Variants in CUBN observed in about 807,000 individuals in gnomAD.
The protein encoded by CUBN is 460 kDa receptor.
CUBN carries 282 observed loss-of-function variants against 405.3 expected under a neutral mutation model. The ratio of observed to expected loss-of-function variants is 0.70; its 90% CI spans 0.63 to 0.77. The LOEUF (loss-of-function observed/expected upper bound fraction) is 0.77, where lower values mean the gene tolerates loss of function less well. CUBN is among the 30% of genes least tolerant of loss of function. CUBN has a pLI of 0.00. For synonymous variants in CUBN, 1,684 were observed against 1,617.0 expected (o/e 1.04, Z -0.99); for missense variants, 4,514 against 4,475.2 (o/e 1.01, Z -0.25).
intron 27 of CUBN, among the ~76,000 whole-genome samples, chr10:17,033,822 A>G (rs1010055693): frequency 1.3e-5 from 2 of 152,234 alleles, no homozygotes; most frequent in African/African-American, 4.8e-5. Context: ...TGAGTTCTCC[A>G]TAACAGCTAG....
intron 41 of CUBN, among the ~76,000 whole-genome samples, chr10:16,926,142 G>C (rs1484233457): frequency 1.3e-5 from 2 of 152,242 alleles, no homozygotes; most frequent in Non-Finnish European, 2.9e-5. Flanking sequence ...TATTGTTAGA[G>C]TTAAGTTAGA....
chr10:16,828,277 G>A (rs781100875), intron 66 of CUBN, among the ~76,000 whole-genome samples: 2 of 152,114 alleles, frequency 1.3e-5, no homozygotes, highest in Non-Finnish European at 2.9e-5. Flanking sequence ...TGATTCTGAC[G>A]CAGGGCTGAT....
intron 26 of CUBN, among the ~76,000 whole-genome samples, chr10:17,042,107 G>A (rs924529313): frequency 6.6e-6 from 1 of 152,146 alleles, no homozygotes; most frequent in Non-Finnish European, 1.5e-5. Flanking sequence ...CTGAAGGTGG[G>A]TAGAACACCA....
intron 59 of CUBN, among the ~76,000 whole-genome samples, chr10:16,868,046 C>CA (rs1026854193): frequency 4.7e-5 from 7 of 150,242 alleles, no homozygotes; most frequent in East Asian, 1.9e-4. Flanking sequence ...CTTTTTTGTG[C>CA]AAAAAAAAAT....
At chr10:16,953,945 A>G (rs1369319627) in intron 32 of CUBN, among the ~76,000 whole-genome samples, 1 of 152,080 alleles carries the variant, frequency 6.6e-6, no homozygotes, top group Non-Finnish European at 1.5e-5. Context: ...CAAAGAAAGA[A>G]AAATAAATGG....
intron 29 of CUBN, among the ~76,000 whole-genome samples, chr10:16,987,927 G>C (rs1446640725): frequency 6.6e-6 from 1 of 152,140 alleles, no homozygotes; most frequent in Admixed American, 6.5e-5. Context: ...CCCTGCTTTT[G>C]GTGGAACACG....
chr10:17,002,182 G>A (rs1211261491), intron 28 of CUBN, among the ~76,000 whole-genome samples: 2 of 152,096 alleles, frequency 1.3e-5, no homozygotes, highest in Non-Finnish European at 2.9e-5. Flanking sequence ...TTTGTTCTGA[G>A]TTGGCTTAGA....
At chr10:17,052,497 C>T (rs1466988947) in intron 22 of CUBN, among the ~76,000 whole-genome samples, 1 of 149,876 alleles carries the variant, frequency 6.7e-6, no homozygotes, top group Admixed American at 6.7e-5. Context: ...TGGCTCATGC[C>T]TGCAATCCCA....
At chr10:16,990,549 T>G in intron 28 of CUBN, 34 bp from the exon 29 acceptor site, 8 of 1,604,162 alleles carry the variant, frequency 5.0e-6, no homozygotes, top group Non-Finnish European at 6.0e-6. Flanking sequence ...CAGTTCAAAG[T>G]GGGCAACAGC....
At chr10:16,825,338 A>G (rs1838743096) in intron 66 of CUBN, among the ~76,000 whole-genome samples, 1 of 152,124 alleles carries the variant, frequency 6.6e-6, no homozygotes, top group African/African-American at 2.4e-5. Context: ...GGGTAATGAA[A>G]GTGTCCCAAA....
At chr10:17,011,492 G>A (rs1317765396) in intron 28 of CUBN, among the ~76,000 whole-genome samples, 1 of 150,698 alleles carries the variant, frequency 6.6e-6, no homozygotes, top group Non-Finnish European at 1.5e-5. Context: ...CCTTCACAGT[G>A]AGTGTTACAG....
chr10:17,025,611 A>T (rs1404410516), intron 27 of CUBN, among the ~76,000 whole-genome samples: 1 of 152,160 alleles, frequency 6.6e-6, no homozygotes, highest in Non-Finnish European at 1.5e-5. Context: ...GGGAATCAAC[A>T]TTTTTTTCCA....
intron 15 of CUBN, among the ~76,000 whole-genome samples, chr10:17,087,625 G>A (rs934220504): frequency 6.6e-6 from 1 of 151,494 alleles, no homozygotes; most frequent in African/African-American, 2.4e-5. Context: ...ACAGGCACCC[G>A]CCACCTCGCC....
At chr10:16,989,956 T>C (rs774497102) in intron 29 of CUBN, among the ~76,000 whole-genome samples, 7 of 152,212 alleles carry the variant, frequency 4.6e-5, no homozygotes, top group Non-Finnish European at 1.0e-4. Context: ...TCCTTACCAA[T>C]GGGAACCAGA....
Position 17,071,418 on chromosome 10 carries a change from CCT to C in CUBN, c.2625+6_2625+7del. 6.2e-7 allele frequency: 1 copy of C among 1,613,276 alleles called. No individual in the cohort carries two copies. Among genetic ancestry groups the C allele is most frequent in the Admixed American group, 1.7e-5 (1 of 59,958 alleles). On this transcript the variant is annotated splice_donor_region_variant and intron_variant, in intron 19 of 66. Coordinates refer to ENST00000377833, the MANE Select transcript of CUBN (RefSeq NM_001081.4). The stretch of plus-strand genomic sequence containing the variant: ...CAAATACAAATTCAAAGATTTTTTC[CCT>C]CTTACCTCAACATAATCTGTTTCAC...
At chr10:17,091,137 C>T (rs1252305023) in intron 14 of CUBN, among the ~76,000 whole-genome samples, 1 of 152,142 alleles carries the variant, frequency 6.6e-6, no homozygotes, top group East Asian at 1.9e-4. Context: ...AGCAAAGGAG[C>T]TTTCAAAGGT....
chr10:16,859,441 T>C (rs1486193816), intron 59 of CUBN, among the ~76,000 whole-genome samples: 1 of 151,992 alleles, frequency 6.6e-6, no homozygotes, highest in Non-Finnish European at 1.5e-5. Flanking sequence ...TAAAATAAAA[T>C]TAAATAACAA....
Position 17,126,745 on chromosome 10 carries a change from G to A in CUBN, c.387+16C>T, listed in dbSNP as rs766616600. 2 of 1,613,722 alleles carry A rather than the reference G, an allele frequency of 1.2e-6. No individual in the cohort carries two copies. Among genetic ancestry groups the A allele is most frequent in the Non-Finnish European group, 1.7e-6 (2 of 1,179,620 alleles). On this transcript the variant is annotated intron_variant, in intron 4 of 66. Coordinates refer to ENST00000377833, the MANE Select transcript of CUBN (RefSeq NM_001081.4). ...TTTCTGTGAAAGATTTGGGTATGTA[G>A]TAGCATGAGACCTACCTGCTGCAAG...
At chr10:17,063,647 G>A (rs547556223) in intron 22 of CUBN, among the ~76,000 whole-genome samples, 2 of 152,164 alleles carry the variant, frequency 1.3e-5, no homozygotes, top group South Asian at 2.1e-4. Context: ...ACTGCTCTGG[G>A]TTCTTTCTGC....
Sources: gnomAD v4.1 joint callset for allele counts (sites outside exome capture counted in the v4.1 genomes callset) on GRCh38, gnomAD v4.1.1 for gene constraint, MANE v1.5 for transcripts, NCBI Gene and HGNC (gene_info 2026-07-23, HGNC 2026-07-21) for gene names.